The following STX7 variants were observed in gnomAD, a reference collection of about 807,000 sequenced individuals.
The protein encoded by STX7 is syntaxin-7.
A neutral mutation model predicts 39.6 loss-of-function variants in STX7; 34 were observed. The ratio of observed to expected loss-of-function variants is 0.86; its 90% CI spans 0.65 to 1.14. The LOEUF (loss-of-function observed/expected upper bound fraction) is 1.14, where lower values mean the gene tolerates loss of function less well. STX7 is among the 50% of genes most tolerant of loss of function. The pLI is 0.00. For synonymous variants in STX7, 119 were observed against 99.1 expected, an observed-to-expected ratio of 1.20 and a Z score of -1.19; for missense variants, 284 against 310.4, an observed-to-expected ratio of 0.92 and a Z score of 0.64.
At position 132,447,093 on chromosome 6, in the gene STX7, T is replaced by G. The variant is rs767568924; in HGVS notation, c.*13665A>C. 1 of 152,178 alleles carries G rather than the reference T, an allele frequency of 6.6e-6. No individual in the cohort carries two copies. Among genetic ancestry groups the G allele is most frequent in the African/African-American group, 2.4e-5 (1 of 41,450 alleles). 9.4% of individuals were successfully genotyped at this position (152,178 alleles called of 1,614,324 possible). On this transcript the variant is annotated 3_prime_UTR_variant, in exon 10 of 10. Coordinates refer to ENST00000367941, the MANE Select transcript of STX7 (RefSeq NM_003569.3). ...CCAGTGTGTTAGAAATAATTCCGTA[T>G]CTCCTAAGATACATTGGTTAAAAAG... is the stretch of plus-strand genomic sequence containing the variant.
intron 2 of STX7, among the ~76,000 whole-genome samples, chr6:132,478,740 A>T (rs1270012645): frequency 6.6e-6 from 1 of 152,232 alleles, no homozygotes; most frequent in Non-Finnish European, 1.5e-5. Flanking sequence ...ACAACAGAGC[A>T]TCACAATCTC....
In STX7 at chr6:132,450,011, G is replaced by A. The variant is rs886406594; in HGVS notation, c.*10747C>T. On this transcript the variant is annotated 3_prime_UTR_variant, in exon 10 of 10. Transcript: ENST00000367941. Reference sequence around the variant, plus strand: ...ACTTTAATGCTTTAAAGCATTCCTGGTTTTATGAAGGAATCTTAGGTTCAC... The same window carrying A: ...ACTTTAATGCTTTAAAGCATTCCTGATTTTATGAAGGAATCTTAGGTTCAC... The A allele has an allele frequency of 1.8e-4, 28 of 152,150 alleles. No individual in the cohort carries two copies. Among genetic ancestry groups the A allele is most frequent in the Admixed American group, 6.5e-5 (1 of 15,274 alleles). 9.4% of individuals were successfully genotyped at this position (152,150 alleles called of 1,614,324 possible). A position where few individuals can be genotyped will look rare whatever the true frequency, so the allele number is the denominator to read the frequency against.
intron 2 of STX7, among the ~76,000 whole-genome samples, chr6:132,483,716 G>A (rs1775064291): frequency 6.6e-6 from 1 of 152,100 alleles, no homozygotes; most frequent in Non-Finnish European, 1.5e-5. Flanking sequence ...CTTCTAGAAG[G>A]TATGGATAGT....
chr6:132,509,209 C>T (rs572157985), intron 1 of STX7, among the ~76,000 whole-genome samples: 11 of 152,080 alleles, frequency 7.2e-5, no homozygotes, highest in South Asian at 4.2e-4. Flanking sequence ...CCTGTAATCC[C>T]GGAACTTTGG....
At chr6:132,476,252 A>C (rs1774871031) in intron 2 of STX7, among the ~76,000 whole-genome samples, 1 of 152,210 alleles carries the variant, frequency 6.6e-6, no homozygotes. Flanking sequence ...GACCAAATTT[A>C]GCAGTGAGAA....
chr6:132,502,652 C>A (rs574389975), intron 2 of STX7, among the ~76,000 whole-genome samples: 1 of 152,336 alleles, frequency 6.6e-6, no homozygotes, highest in African/African-American at 2.4e-5. Context: ...GTAATCCCAG[C>A]ACTTTAGGAG....
chr6:132,469,700 G>C (rs375029001), intron 7 of STX7, among the ~76,000 whole-genome samples: 6 of 152,164 alleles, frequency 3.9e-5, no homozygotes, highest in East Asian at 3.9e-4. Context: ...TTAGCCAGGT[G>C]GGGTGACACG....
chr6:132,488,116 T>C (rs950019587), intron 2 of STX7, among the ~76,000 whole-genome samples: 18 of 152,236 alleles, frequency 1.2e-4, no homozygotes, highest in African/African-American at 4.3e-4. Context: ...TATTTTCCAA[T>C]TCCTCTTTTT....
Position 132,458,055 on chromosome 6 carries a change from G to C in STX7, c.*2703C>G, listed in dbSNP as rs995795979. The C allele has an allele frequency of 1.3e-5, 2 of 151,972 alleles. No homozygotes were observed. Among genetic ancestry groups the C allele is most frequent in the African/African-American group, 4.8e-5 (2 of 41,376 alleles). The allele number at this position is 151,972 out of a possible 1,614,324, so 9.4% of individuals were successfully genotyped here. On this transcript the variant is annotated 3_prime_UTR_variant, in exon 10 of 10. Coordinates refer to ENST00000367941, the MANE Select transcript of STX7 (RefSeq NM_003569.3). ...CACAGATGTATTTCATGGAAAGAGG[G>C]GCCTTTAAAGGCACTTATTTATCAT...
chr6:132,493,581 G>A (rs144618177), intron 2 of STX7, among the ~76,000 whole-genome samples: 29 of 152,258 alleles, frequency 1.9e-4, no homozygotes, highest in Middle Eastern at 3.4e-3. Context: ...TTCGTCTTCC[G>A]CCATGATTGT....
chr6:132,447,201 GAA>G lies in STX7; in HGVS notation c.*13555_*13556del, dbSNP rs894609743. Reference sequence around the variant, plus strand: ...CTAAGATGGAACTTACTGTGTAGTGGAAAGAGTTAGACTCACTAGACATTGAT... The same window carrying G: ...CTAAGATGGAACTTACTGTGTAGTGGAGAGTTAGACTCACTAGACATTGAT... On this transcript the variant is annotated 3_prime_UTR_variant, in exon 10 of 10. Transcript: ENST00000367941. 1 of 152,164 alleles carries G rather than the reference GAA, an allele frequency of 6.6e-6. No homozygotes were observed. The highest frequency in any genetic ancestry group is 6.6e-5 in the Admixed American group (1 of 15,262). The allele number at this position is 152,164 out of a possible 1,614,324, so 9.4% of individuals were successfully genotyped here.
intron 2 of STX7, among the ~76,000 whole-genome samples, chr6:132,489,767 C>G (rs1349989134): frequency 1.3e-5 from 2 of 152,174 alleles, no homozygotes; most frequent in Non-Finnish European, 2.9e-5. Context: ...ACAAAGCAAT[C>G]TCAAATTTAC....
At chr6:132,472,458 T>C (rs774795445) in intron 3 of STX7, 83 bp from the exon 4 acceptor site, 10 of 1,028,110 alleles carry the variant, frequency 9.7e-6, no homozygotes, top group Non-Finnish European at 1.4e-5. Context: ...TCAACACTGA[T>C]AAACAGTTGT....
intron 2 of STX7, among the ~76,000 whole-genome samples, chr6:132,494,556 G>T (rs148707076): frequency 2.0e-5 from 3 of 152,284 alleles, no homozygotes; most frequent in African/African-American, 4.8e-5. Context: ...CCAGTTACAT[G>T]TAGATCTGGG....
intron 2 of STX7, among the ~76,000 whole-genome samples, chr6:132,488,704 T>C (rs1289852036): frequency 1.3e-5 from 2 of 152,158 alleles, no homozygotes; most frequent in Non-Finnish European, 1.5e-5. Flanking sequence ...TGACAAAAGA[T>C]AGTTATAGCC....
At chr6:132,510,266 T>C (rs1324990954) in intron 1 of STX7, among the ~76,000 whole-genome samples, 8 of 152,218 alleles carry the variant, frequency 5.3e-5, no homozygotes, top group African/African-American at 1.7e-4. Context: ...AAATGTTAAA[T>C]GTTTGAGGTA....
Position 132,478,207 on chromosome 6 carries a change from TG to T in STX7, c.86-2546del, listed in dbSNP as rs547361474. Among the ~76,000 whole-genome samples the T allele has an allele frequency of 1.6e-3, 234 of 150,298 alleles. 1 individual carries two copies. The highest frequency in any genetic ancestry group is 5.6e-3 in the African/African-American group (230 of 40,956). ...AAAGTATAATAAAAAAAAAGAAAAA[TG>T]GGCCAAGAATAGGAACTTTAATATT... On this transcript the variant is annotated intron_variant, in intron 2 of 9. Coordinates refer to ENST00000367941, the MANE Select transcript of STX7 (RefSeq NM_003569.3).
chr6:132,464,222 G>T, intron 8 of STX7, 147 bp from the exon 9 acceptor site: 1 of 749,972 alleles, frequency 1.3e-6, no homozygotes, highest in Non-Finnish European at 2.2e-6. Context: ...ATTTTTTTAA[G>T]CTGGCTTTAA....
chr6:132,495,174 T>G (rs570023710), intron 2 of STX7, among the ~76,000 whole-genome samples: 1 of 152,274 alleles, frequency 6.6e-6, no homozygotes, highest in South Asian at 2.1e-4. Flanking sequence ...TCTTAAAGAT[T>G]TAGTTCATAA....
Sources: gnomAD v4.1 joint callset for allele counts (sites outside exome capture counted in the v4.1 genomes callset) on GRCh38, gnomAD v4.1.1 for gene constraint, MANE v1.5 for transcripts, NCBI Gene and HGNC (gene_info 2026-07-23, HGNC 2026-07-21) for gene names.